BTBD9: variants seen among roughly 807,000 people sequenced by gnomAD.
The protein encoded by BTBD9 is BTB domain containing 9.
BTBD9 carries 49 observed loss-of-function variants against 64.3 expected under a neutral mutation model. That is an observed-to-expected ratio of 0.76 (90% confidence interval 0.61 to 0.97). The LOEUF (loss-of-function observed/expected upper bound fraction) is 0.97, where lower values mean the gene tolerates loss of function less well. Among genes scored for constraint, BTBD9 ranks in the 50% least tolerant of loss-of-function variants. The pLI, the probability that BTBD9 is intolerant of heterozygous loss-of-function variation, is 0.00. For missense variants in BTBD9, 598 were observed against 762.1 expected (o/e 0.78, Z 2.53); for synonymous variants, 260 against 274.7 (o/e 0.95, Z 0.53).
rs192345075 is a variant in BTBD9, at chr6:38,379,830, G to A, written c.1155-34737C>T. On this transcript the variant is annotated intron_variant, in intron 6 of 10. Coordinates refer to ENST00000481247, the MANE Select transcript of BTBD9 (RefSeq NM_001099272.2). ...CTACAAATTGTAACATAACTATATT[G>A]GGAGGATAGGGAAGGAATGCACAGG... 1.7e-3 allele frequency among the ~76,000 whole-genome samples: 264 copies of A among 152,280 alleles called. 1 individual carries two copies. Among genetic ancestry groups the A allele is most frequent in the South Asian group, 4.8e-3 (23 of 4,828 alleles).
rs944962072 is a variant in BTBD9 at position 38,258,282 on chromosome 6, G to A, written c.1455-1766C>T. Among the ~76,000 whole-genome samples the A allele has an allele frequency of 3.3e-5, 5 of 152,040 alleles. No homozygotes were observed. The South Asian group carries it at 6.2e-4, about 19-fold the overall frequency. On this transcript the variant is annotated intron_variant, in intron 8 of 10. Transcript: ENST00000481247. ...ATTACAGGCATGAGCCACTGCGGCC[G>A]GCCTAAAAAATAATTTTAAAAAATA...
At chr6:38,370,822 C>G (rs1475607207) in intron 6 of BTBD9, among the ~76,000 whole-genome samples, 4 of 152,208 alleles carry the variant, frequency 2.6e-5, no homozygotes, top group Admixed American at 2.6e-4. Context: ...TAACATGTCA[C>G]GGAGTCATGG....
At chr6:38,273,019 G>C (rs1765247365) in intron 8 of BTBD9, among the ~76,000 whole-genome samples, 1 of 152,162 alleles carries the variant, frequency 6.6e-6, no homozygotes, top group Non-Finnish European at 1.5e-5. Context: ...CAGCAAATGA[G>C]AAGCAAAGGG....
Position 38,598,115 on chromosome 6 carries a change from CGTT to C in BTBD9, c.-24_-22del, listed in dbSNP as rs763678198. 1.2e-5 allele frequency: 19 copies of C among 1,606,124 alleles called. No homozygotes were observed. In the African/African-American group the frequency reaches 1.2e-4, roughly 10 times the overall value. Reference sequence around the variant, plus strand: ...CTCATCTTGTGGAATAGACGATAGTCGTTGTTCTATCATATAAAGAAGGAATGA... The same window carrying C: ...CTCATCTTGTGGAATAGACGATAGTCGTTCTATCATATAAAGAAGGAATGA... On this transcript the variant is annotated 5_prime_UTR_variant, in exon 2 of 11. Transcript: ENST00000481247.
intron 6 of BTBD9, among the ~76,000 whole-genome samples, chr6:38,512,397 A>G (rs1322829770): frequency 5.9e-5 from 9 of 152,248 alleles, no homozygotes; most frequent in African/African-American, 1.9e-4. Context: ...GTCAACATTT[A>G]GATGACCCAT....
At chr6:38,251,582 T>C (rs1009740705) in intron 9 of BTBD9, among the ~76,000 whole-genome samples, 1 of 152,114 alleles carries the variant, frequency 6.6e-6, no homozygotes, top group African/African-American at 2.4e-5. Context: ...TACCATTTTT[T>C]TAGTTTTTAA....
chr6:38,344,200 G>A (rs1344504057), intron 7 of BTBD9, among the ~76,000 whole-genome samples: 2 of 151,724 alleles, frequency 1.3e-5, no homozygotes, highest in African/African-American at 4.8e-5. Flanking sequence ...ATGGGCATGG[G>A]GGAAAAAAAA....
At chr6:38,554,997 A>T (rs531847999) in intron 6 of BTBD9, among the ~76,000 whole-genome samples, 1 of 152,350 alleles carries the variant, frequency 6.6e-6, no homozygotes, top group South Asian at 2.1e-4. Context: ...ATGCTACTAA[A>T]GAGAAACAAA....
At chr6:38,557,111 G>C (rs1005638324) in intron 6 of BTBD9, among the ~76,000 whole-genome samples, 29 of 146,974 alleles carry the variant, frequency 2.0e-4, no homozygotes, top group Admixed American at 3.5e-4. Context: ...ACTTTGGGAG[G>C]CCACGGTGGG....
intron 6 of BTBD9, among the ~76,000 whole-genome samples, chr6:38,459,598 G>C (rs1314333103): frequency 3.9e-5 from 6 of 152,322 alleles, no homozygotes; most frequent in Non-Finnish European, 8.8e-5. Context: ...GAGAGCCTAC[G>C]AGGAACAGAA....
intron 6 of BTBD9, among the ~76,000 whole-genome samples, chr6:38,502,406 T>C (rs1357033246): frequency 6.6e-6 from 1 of 152,264 alleles, no homozygotes; most frequent in African/African-American, 2.4e-5. Flanking sequence ...TTTTAAATTT[T>C]GCTTGTTGAG....
At chr6:38,535,229 T>C (rs1289547491) in intron 6 of BTBD9, among the ~76,000 whole-genome samples, 1 of 151,484 alleles carries the variant, frequency 6.6e-6, no homozygotes, top group African/African-American at 2.4e-5. Context: ...GCAAACAATC[T>C]GAAAAAGAAA....
intron 8 of BTBD9, among the ~76,000 whole-genome samples, chr6:38,261,843 T>C (rs1390950932): frequency 1.3e-5 from 2 of 152,210 alleles, no homozygotes; most frequent in African/African-American, 4.8e-5. Context: ...AAAGGGACAC[T>C]GACGGATCTC....
At chr6:38,178,455 G>C (rs1761383279) in intron 10 of BTBD9, among the ~76,000 whole-genome samples, 2 of 152,170 alleles carry the variant, frequency 1.3e-5, no homozygotes, top group Non-Finnish European at 2.9e-5. Context: ...GCCTGACTGG[G>C]CGAGGTCCCA....
At chr6:38,588,575 C>T in intron 4 of BTBD9, 1 of 531,202 alleles carries the variant, frequency 1.9e-6, no homozygotes, top group Non-Finnish European at 3.0e-6. Context: ...CTATTGGCCT[C>T]CCAAAAGACT....
In BTBD9 at chr6:38,454,371, C is replaced by T. The variant is rs183827940; in HGVS notation, c.1155-109278G>A. On this transcript the variant is annotated intron_variant, in intron 6 of 10. Coordinates refer to ENST00000481247, the MANE Select transcript of BTBD9 (RefSeq NM_001099272.2). ...GATCATAAAGCACTGAAAATTGTCC[C>T]ACTCTTAAGAAAATTCAAATTTAAA... Among the ~76,000 whole-genome samples the T allele has an allele frequency of 1.4e-4, 22 of 151,916 alleles. No individual in the cohort carries two copies. The East Asian group carries it at 4.1e-3, about 28-fold the overall frequency.
chr6:38,355,175 T>C (rs1764670893), intron 6 of BTBD9, among the ~76,000 whole-genome samples: 1 of 152,114 alleles, frequency 6.6e-6, no homozygotes, highest in Admixed American at 6.5e-5. Flanking sequence ...GAAACCAAAA[T>C]AGCAAGACGC....
chr6:38,527,887 G>A (rs149749616), intron 6 of BTBD9, among the ~76,000 whole-genome samples: 29 of 151,630 alleles, frequency 1.9e-4, no homozygotes, highest in African/African-American at 2.4e-4. Context: ...AGAATCCTCC[G>A]GTGATCATCC....
intron 6 of BTBD9, among the ~76,000 whole-genome samples, chr6:38,496,655 TAAAA>T (rs951014301): frequency 8.0e-6 from 1 of 125,144 alleles, no homozygotes. Context: ...CCCTGTCTCT[TAAAA>T]AAAAAAAAAA....
Sources: gnomAD v4.1 joint callset for allele counts (sites outside exome capture counted in the v4.1 genomes callset) on GRCh38, gnomAD v4.1.1 for gene constraint, MANE v1.5 for transcripts, NCBI Gene and HGNC (gene_info 2026-07-23, HGNC 2026-07-21) for gene names.